Variants in PRDM11 observed in about 807,000 individuals in gnomAD.
PRDM11 encodes the protein PR/SET domain 11, also known as PR domain-containing protein 11.
Under a neutral mutation model 97.8 loss-of-function variants are expected in PRDM11, and 20 were observed. That is an observed-to-expected ratio of 0.20 (90% confidence interval 0.14 to 0.30). PRDM11 has a LOEUF of 0.30. PRDM11 is among the 10% of genes least tolerant of loss of function. The pLI, the probability that PRDM11 is intolerant of heterozygous loss-of-function variation, is 1.00. For synonymous variants in PRDM11, 599 were observed against 637.7 expected, an observed-to-expected ratio of 0.94 and a Z score of 0.91; for missense variants, 1,139 against 1,555.2, an observed-to-expected ratio of 0.73 and a Z score of 4.50.
intron 1 of PRDM11, among the ~76,000 whole-genome samples, chr11:45,172,242 C>G (rs1316546709): frequency 6.6e-6 from 1 of 152,196 alleles, no homozygotes; most frequent in Non-Finnish European, 1.5e-5. Context: ...GACCCTCCAC[C>G]CTTCCAGCAC....
chr11:45,193,981 C>T (rs1012584414), intron 4 of PRDM11, among the ~76,000 whole-genome samples: 1 of 152,210 alleles, frequency 6.6e-6, no homozygotes, highest in Non-Finnish European at 1.5e-5. Context: ...AGCTTTTCTA[C>T]ATTTTGAGGC....
chr11:45,103,016 C>CAG (rs57926865), intron 1 of PRDM11, among the ~76,000 whole-genome samples: 50,873 of 152,044 alleles, frequency 0.33, 10,111 homozygotes, highest in African/African-American at 0.55. Context: ...GAAGCTGACT[C>CAG]AGAGTGTGAT....
At chr11:45,122,214 C>G (rs1321819039) in intron 1 of PRDM11, among the ~76,000 whole-genome samples, 1 of 126,466 alleles carries the variant, frequency 7.9e-6, no homozygotes, top group African/African-American at 2.7e-5. Context: ...CACACACACA[C>G]ACACACACAC....
intron 1 of PRDM11, among the ~76,000 whole-genome samples, chr11:45,180,330 G>A (rs1374588361): frequency 6.6e-6 from 1 of 152,146 alleles, no homozygotes; most frequent in Non-Finnish European, 1.5e-5. Context: ...GCGGCTGAGC[G>A]AGCGGGTGTC....
chr11:45,213,608 G>A (rs1169266935), intron 5 of PRDM11: 4 of 456,472 alleles, frequency 8.8e-6, no homozygotes, highest in Admixed American at 4.7e-5. Flanking sequence ...GAGAAGAATG[G>A]GATGACGTCG....
chr11:45,143,234 T>C (rs1851443467), upstream of PRDM11, among the ~76,000 whole-genome samples: 1 of 152,206 alleles, frequency 6.6e-6, no homozygotes, highest in Non-Finnish European at 1.5e-5. Flanking sequence ...TTACAACAAA[T>C]GTGGAAGTGA....
chr11:45,193,747 C>A (rs1287739318), intron 4 of PRDM11, among the ~76,000 whole-genome samples: 1 of 152,218 alleles, frequency 6.6e-6, no homozygotes, highest in Non-Finnish European at 1.5e-5. Flanking sequence ...GAACGACAAT[C>A]ATTTACTCTT....
chr11:45,224,411 C>T lies in PRDM11; in HGVS notation c.937C>T (p.Leu313=). The change falls in exon 7 of 8, where the codon CTG becomes TTG. Residue 313 remains leucine (L), a synonymous_variant. Coordinates refer to ENST00000683152, the MANE Select transcript of PRDM11 (RefSeq NM_001384648.1). ...TTTCAAGGATGTTCTGGAGGCCTCACTGGAATCTGCGAAGGTGGAAGCCCA... is the reference window on the plus strand; with the variant it reads ...TTTCAAGGATGTTCTGGAGGCCTCATTGGAATCTGCGAAGGTGGAAGCCCA... The part of the protein sequence containing the change: ...LIFKDVLEAS[L]ESAKVEAHQL... 1 of 1,614,220 alleles carries T rather than the reference C, an allele frequency of 6.2e-7. No individual in the cohort carries two copies. The highest frequency in any genetic ancestry group is 8.5e-7 in the Non-Finnish European group (1 of 1,180,028).
At chr11:45,178,547 C>G (rs1761063638) in intron 1 of PRDM11, among the ~76,000 whole-genome samples, 3 of 152,232 alleles carry the variant, frequency 2.0e-5, no homozygotes, top group Admixed American at 2.0e-4. Context: ...GGAATCAAAC[C>G]CCCACCCTGT....
At chr11:45,151,504 C>G (rs116445382) in intron 1 of PRDM11, among the ~76,000 whole-genome samples, 1 of 152,204 alleles carries the variant, frequency 6.6e-6, no homozygotes, top group Admixed American at 6.5e-5. Context: ...GGGTACCATT[C>G]GGTCCTTCAT....
chr11:45,215,328 T>G (rs946113262), intron 5 of PRDM11, among the ~76,000 whole-genome samples: 6 of 152,320 alleles, frequency 3.9e-5, no homozygotes, highest in African/African-American at 1.4e-4. Flanking sequence ...AATCCCCTAG[T>G]CTTGCCCACA....
intron 1 of PRDM11, among the ~76,000 whole-genome samples, chr11:45,115,801 G>A (rs931315572): frequency 1.3e-5 from 2 of 151,834 alleles, no homozygotes; most frequent in Non-Finnish European, 2.9e-5. Flanking sequence ...GTGGTGGCAG[G>A]TGCCTGTAAT....
chr11:45,144,468 G>T (rs985431425), upstream of PRDM11, among the ~76,000 whole-genome samples: 1 of 152,210 alleles, frequency 6.6e-6, no homozygotes, highest in Non-Finnish European at 1.5e-5. Flanking sequence ...TGGATGGGGA[G>T]ATTTAAATAG....
intron 1 of PRDM11, among the ~76,000 whole-genome samples, chr11:45,104,102 T>C (rs145541765): frequency 1.1e-4 from 17 of 152,380 alleles, no homozygotes; most frequent in Non-Finnish European, 2.1e-4. Flanking sequence ...CAAGCTAGGA[T>C]AGGCTGAGCA....
intron 1 of PRDM11, among the ~76,000 whole-genome samples, chr11:45,138,899 T>G (rs1433450348): frequency 6.6e-6 from 1 of 152,178 alleles, no homozygotes; most frequent in Non-Finnish European, 1.5e-5. Context: ...TTACAAAAAT[T>G]GTTTGCATTG....
rs369830079 is a variant in PRDM11 at position 45,233,939 on chromosome 11, C to G, written c.*5780C>G. On this transcript the variant is annotated 3_prime_UTR_variant, in exon 8 of 8. Coordinates refer to ENST00000683152, the MANE Select transcript of PRDM11 (RefSeq NM_001384648.1). Reference sequence around the variant, plus strand: ...CCTCCCTCACAGAGGCCCCGTGGCCCCTACCCCACTCCCGCCGTAACAGGC... The same window carrying G: ...CCTCCCTCACAGAGGCCCCGTGGCCGCTACCCCACTCCCGCCGTAACAGGC... 1.3e-5 allele frequency: 2 copies of G among 152,360 alleles called. No homozygotes were observed. Among genetic ancestry groups the G allele is most frequent in the South Asian group, 4.1e-4 (2 of 4,836 alleles). 9.4% of individuals were successfully genotyped at this position (152,360 alleles called of 1,614,324 possible). A position where few individuals can be genotyped will look rare whatever the true frequency, so the allele number is the denominator to read the frequency against.
At chr11:45,166,029 A>T (rs1229570422) in intron 1 of PRDM11, among the ~76,000 whole-genome samples, 1 of 152,230 alleles carries the variant, frequency 6.6e-6, no homozygotes, top group Admixed American at 6.5e-5. Flanking sequence ...TTCCTATCTG[A>T]AAAACAAAGT....
At chr11:45,178,488 C>G (rs1852385013) in intron 1 of PRDM11, among the ~76,000 whole-genome samples, 2 of 152,228 alleles carry the variant, frequency 1.3e-5, no homozygotes, top group Non-Finnish European at 2.9e-5. Flanking sequence ...GCCAGCATCT[C>G]TCACTACCTG....
chr11:45,180,097 G>T (rs1565293544), intron 1 of PRDM11, among the ~76,000 whole-genome samples: 2 of 152,354 alleles, frequency 1.3e-5, no homozygotes, highest in East Asian at 3.9e-4. Context: ...GAATCTGGGG[G>T]TTCAGCCAGT....
Sources: gnomAD v4.1 joint callset for allele counts (sites outside exome capture counted in the v4.1 genomes callset) on GRCh38, gnomAD v4.1.1 for gene constraint, MANE v1.5 for transcripts, NCBI Gene and HGNC (gene_info 2026-07-23, HGNC 2026-07-21) for gene names.